Variants in ARHGAP26 observed in about 807,000 individuals in gnomAD.
ARHGAP26 encodes rho GTPase-activating protein 26.
Under a neutral mutation model 104.8 loss-of-function variants are expected in ARHGAP26, and 38 were observed. The observed-to-expected ratio is 0.36, with a 90% CI of 0.28 to 0.48. The LOEUF (loss-of-function observed/expected upper bound fraction) is 0.48. Among genes scored for constraint, ARHGAP26 ranks in the 20% least tolerant of loss-of-function variants. ARHGAP26 has a pLI of 0.99. For synonymous variants in ARHGAP26, 341 were observed against 340.0 expected (o/e 1.00, Z -0.03); for missense variants, 704 against 947.9 (o/e 0.74, Z 3.38).
At chr5:142,903,752 C>T (rs1429460487) in intron 8 of ARHGAP26, 83 bp downstream of exon 8, 31 of 1,418,548 alleles carry the variant, frequency 2.2e-5, no homozygotes, top group Middle Eastern at 1.8e-4. Flanking sequence ...CAGTGCCTAC[C>T]TTACTGTAGA....
chr5:142,976,495 A>G (rs553924949), intron 11 of ARHGAP26, among the ~76,000 whole-genome samples: 2 of 152,322 alleles, frequency 1.3e-5, no homozygotes, highest in East Asian at 3.9e-4. Flanking sequence ...TGACCCAATC[A>G]TTATTACTAC....
intron 11 of ARHGAP26, among the ~76,000 whole-genome samples, chr5:142,956,375 A>C (rs916361464): frequency 4.6e-5 from 7 of 152,150 alleles, no homozygotes; most frequent in African/African-American, 1.7e-4. Context: ...CAGAAATTCA[A>C]GACCAGACTG....
chr5:142,879,257 C>T (rs1756579135), intron 3 of ARHGAP26, 117 bp from the exon 4 acceptor site: 1 of 907,070 alleles, frequency 1.1e-6, no homozygotes, highest in Non-Finnish European at 1.9e-6. Flanking sequence ...ATGTACAACA[C>T]TGCCTCCCCA....
chr5:143,042,678 C>T (rs763729899), intron 14 of ARHGAP26, among the ~76,000 whole-genome samples: 23 of 152,214 alleles, frequency 1.5e-4, no homozygotes, highest in Non-Finnish European at 2.9e-4. Flanking sequence ...TTGGGGTACG[C>T]AGCTCAGTGT....
chr5:142,926,051 T>A (rs1389783678), intron 10 of ARHGAP26, among the ~76,000 whole-genome samples: 1 of 152,192 alleles, frequency 6.6e-6, no homozygotes, highest in Non-Finnish European at 1.5e-5. Flanking sequence ...GTAGGAAAGC[T>A]GTCGAGTAAC....
intron 10 of ARHGAP26, among the ~76,000 whole-genome samples, chr5:142,924,401 C>T (rs973002678): frequency 6.6e-6 from 1 of 152,190 alleles, no homozygotes; most frequent in East Asian, 1.9e-4. Context: ...GGCTTTGGCA[C>T]TTACTAGTGG....
chr5:142,806,576 G>A (rs1763030850), intron 1 of ARHGAP26, among the ~76,000 whole-genome samples: 1 of 152,000 alleles, frequency 6.6e-6, no homozygotes, highest in Non-Finnish European at 1.5e-5. Flanking sequence ...TTTTGGGAAG[G>A]CATTAGTTAA....
chr5:143,079,417 T>C (rs907777293), intron 17 of ARHGAP26, among the ~76,000 whole-genome samples: 1 of 152,242 alleles, frequency 6.6e-6, no homozygotes, highest in Non-Finnish European at 1.5e-5. Context: ...CTTTGGTCTT[T>C]GTAGTCGGCA....
chr5:142,805,529 AG>A (rs1393713372), intron 1 of ARHGAP26, among the ~76,000 whole-genome samples: 5 of 152,194 alleles, frequency 3.3e-5, no homozygotes, highest in African/African-American at 1.2e-4. Context: ...TCTCTTGGGT[AG>A]GTAACTAGGA....
At chr5:143,037,512 C>T (rs1313520293) in intron 13 of ARHGAP26, among the ~76,000 whole-genome samples, 1 of 152,134 alleles carries the variant, frequency 6.6e-6, no homozygotes, top group Non-Finnish European at 1.5e-5. Context: ...AAACCAGTTA[C>T]TGAAATTCGA....
At chr5:142,862,140 G>T (rs575125924) in intron 1 of ARHGAP26, among the ~76,000 whole-genome samples, 1 of 152,248 alleles carries the variant, frequency 6.6e-6, no homozygotes, top group African/African-American at 2.4e-5. Context: ...GAAAGCTCAG[G>T]GATTACAGGG....
intron 1 of ARHGAP26, among the ~76,000 whole-genome samples, chr5:142,850,850 C>T (rs1751375680): frequency 6.6e-6 from 1 of 152,154 alleles, no homozygotes; most frequent in Non-Finnish European, 1.5e-5. Context: ...TCTGAAAGGA[C>T]TTTAAAGAGA....
intron 11 of ARHGAP26, among the ~76,000 whole-genome samples, chr5:142,963,211 TGTGTGTGTGC>T (rs1770703121): frequency 1.8e-5 from 2 of 111,424 alleles, no homozygotes; most frequent in African/African-American, 8.8e-5. Context: ...TGTGTGTGTG[TGTGTGTGTGC>T]GCGTGTGTGT....
intron 11 of ARHGAP26, among the ~76,000 whole-genome samples, chr5:143,005,013 A>C (rs149423081): frequency 6.6e-6 from 1 of 152,356 alleles, no homozygotes; most frequent in Non-Finnish European, 1.5e-5. Context: ...TTCTCGTTCA[A>C]CTTTGTTGCA....
intron 11 of ARHGAP26, among the ~76,000 whole-genome samples, chr5:143,010,257 G>A (rs923763761): frequency 2.0e-5 from 3 of 152,162 alleles, no homozygotes; most frequent in African/African-American, 7.2e-5. Context: ...AAGGTAAAAG[G>A]GTATTGGAAC....
intron 18 of ARHGAP26, among the ~76,000 whole-genome samples, chr5:143,127,425 T>A (rs1426900124): frequency 6.6e-6 from 1 of 152,212 alleles, no homozygotes. Flanking sequence ...TAATAATTCC[T>A]TCCCTAGTCC....
intron 17 of ARHGAP26, among the ~76,000 whole-genome samples, chr5:143,101,068 G>C (rs576319649): frequency 2.6e-5 from 4 of 152,118 alleles, no homozygotes; most frequent in African/African-American, 9.7e-5. Flanking sequence ...ACTCCAGCCT[G>C]GGCAACAAAG....
At chr5:142,874,719 G>T (rs898115957) in intron 2 of ARHGAP26, among the ~76,000 whole-genome samples, 1 of 152,162 alleles carries the variant, frequency 6.6e-6, no homozygotes, top group Non-Finnish European at 1.5e-5. Flanking sequence ...CAAAGAAAAG[G>T]CTGGGTTCTG....
chr5:143,031,049 G>T (rs1781765877), intron 12 of ARHGAP26, among the ~76,000 whole-genome samples: 1 of 152,244 alleles, frequency 6.6e-6, no homozygotes, highest in African/African-American at 2.4e-5. Context: ...AAGGACACTT[G>T]AGGGTAATGT....
Sources: allele counts gnomAD v4.1 joint callset (sites outside exome capture counted in the v4.1 genomes callset), GRCh38; gene constraint gnomAD v4.1.1; transcripts MANE v1.5; gene names NCBI Gene and HGNC (gene_info 2026-07-23, HGNC 2026-07-21).